Variants in VEZT observed in about 807,000 individuals in gnomAD.
VEZT encodes the protein vezatin.
A neutral mutation model predicts 79.9 loss-of-function variants in VEZT; 39 were observed. That is an observed-to-expected ratio of 0.49 (90% confidence interval 0.38 to 0.64). The LOEUF (loss-of-function observed/expected upper bound fraction) is 0.64, where lower values mean the gene tolerates loss of function less well. Among genes scored for constraint, VEZT ranks in the 30% least tolerant of loss-of-function variants. The pLI, the probability that VEZT is intolerant of heterozygous loss-of-function variation, is 0.00. For missense variants in VEZT, 837 were observed against 893.1 expected (o/e 0.94, Z 0.80); for synonymous variants, 325 against 327.6 (o/e 0.99, Z 0.09).
intron 6 of VEZT, 87 bp from the exon 7 acceptor site, chr12:95,274,655 G>C: frequency 7.2e-7 from 1 of 1,389,604 alleles, no homozygotes. Flanking sequence ...TCAGAATAAA[G>C]ATTAGGGAAT....
In VEZT at chr12:95,257,219, G is replaced by C. The variant is rs2063607207; in HGVS notation, c.238G>C (p.Asp80His). The C allele has an allele frequency of 6.2e-7, 1 of 1,609,670 alleles. No homozygotes were observed. The highest frequency in any genetic ancestry group is 8.5e-7 in the Non-Finnish European group (1 of 1,178,038). ...WIFFSQCNKK[D>H]DLLHKLDIGF... Reference sequence around the variant, plus strand: ...TTTTTTTTCTCAGTGCAATAAGAAAGATGACTTACTTCACAAGTTGGTAAG... The same window carrying C: ...TTTTTTTTCTCAGTGCAATAAGAAACATGACTTACTTCACAAGTTGGTAAG... The change falls in exon 3 of 12, where the codon GAT (aspartate) becomes CAT (histidine). Residue 80 changes from aspartate (D) to histidine (H), a missense_variant. By Grantham distance (81) the Asp-to-His change is moderately conservative (BLOSUM62 -1). Transcript: ENST00000436874.
At chr12:95,250,317 T>TG (rs1412216556) in intron 1 of VEZT, among the ~76,000 whole-genome samples, 129 of 149,158 alleles carry the variant, frequency 8.6e-4, no homozygotes, top group Non-Finnish European at 1.6e-3. Context: ...TTTTTTTTTT[T>TG]TGTGAGACAA....
chr12:95,274,685 C>T (rs2067278027), intron 6 of VEZT, 57 bp from the exon 7 acceptor site: 1 of 1,540,912 alleles, frequency 6.5e-7, no homozygotes, highest in African/African-American at 1.4e-5. Flanking sequence ...GACAATTTCA[C>T]TGTATCTTTT....
At chr12:95,269,708 T>G in intron 5 of VEZT, 1 of 182,826 alleles carries the variant, frequency 5.5e-6, no homozygotes, top group Non-Finnish European at 1.1e-5. Flanking sequence ...GCATAGTGTC[T>G]ATGTAAAAAA....
intron 2 of VEZT, among the ~76,000 whole-genome samples, chr12:95,252,830 T>TGGCG (rs2062831312): frequency 6.6e-6 from 1 of 152,128 alleles, no homozygotes; most frequent in South Asian, 2.1e-4. Flanking sequence ...CTGGGCGTGG[T>TGGCG]GGCGGGCGCC....
intron 11 of VEZT, chr12:95,299,586 A>AT (rs1360742427): frequency 6.6e-6 from 1 of 151,950 alleles, no homozygotes; most frequent in East Asian, 1.9e-4. Flanking sequence ...TGTATGTTGC[A>AT]TTTTTTTCCA....
intron 1 of VEZT, among the ~76,000 whole-genome samples, chr12:95,241,177 T>A (rs2060961844): frequency 6.6e-6 from 1 of 151,954 alleles, no homozygotes; most frequent in Admixed American, 6.6e-5. Flanking sequence ...GGACTACAGA[T>A]GTGCACCACC....
chr12:95,238,929 A>G (rs2060528355), intron 1 of VEZT, among the ~76,000 whole-genome samples: 1 of 152,226 alleles, frequency 6.6e-6, no homozygotes, highest in South Asian at 2.1e-4. Context: ...TAAGGACACT[A>G]AAAAGGAATA....
At chr12:95,247,015 C>A (rs2061816277) in intron 1 of VEZT, among the ~76,000 whole-genome samples, 1 of 152,130 alleles carries the variant, frequency 6.6e-6, no homozygotes, top group Non-Finnish European at 1.5e-5. Flanking sequence ...TATCCCAAAA[C>A]CTCTAAAATA....
chr12:95,272,215 A>G (rs1397821891), intron 6 of VEZT, among the ~76,000 whole-genome samples: 1 of 140,428 alleles, frequency 7.1e-6, no homozygotes, highest in South Asian at 2.3e-4. Flanking sequence ...GATTCTTCAG[A>G]TAAAATAGTT....
At chr12:95,234,948 A>G (rs987455830) in intron 1 of VEZT, among the ~76,000 whole-genome samples, 2 of 152,090 alleles carry the variant, frequency 1.3e-5, no homozygotes, top group Non-Finnish European at 2.9e-5. Context: ...GACACAGCAC[A>G]TGTTTCAGAG....
At chr12:95,282,834 G>A (rs1043411849) in intron 8 of VEZT, among the ~76,000 whole-genome samples, 190 bp downstream of exon 8, 1 of 151,894 alleles carries the variant, frequency 6.6e-6, no homozygotes, top group Non-Finnish European at 1.5e-5. Context: ...ACTTGAGGGA[G>A]TTATTATTTA....
intron 1 of VEZT, among the ~76,000 whole-genome samples, chr12:95,219,809 A>C (rs929526099): frequency 4.6e-5 from 7 of 152,226 alleles, no homozygotes; most frequent in African/African-American, 1.7e-4. Flanking sequence ...AGTTTCCTTT[A>C]ATCTTTGCTA....
At position 95,296,264 on chromosome 12, in the gene VEZT, CACTG is replaced by C. The variant is rs761395898; in HGVS notation, c.1831+10_1831+13del. 6.4e-6 allele frequency: 10 copies of C among 1,568,890 alleles called. No individual in the cohort carries two copies. In the South Asian group the frequency reaches 1.1e-4, roughly 17 times the overall value. On this transcript the variant is annotated splice_region_variant and intron_variant, in intron 11 of 11. Coordinates refer to ENST00000436874, the MANE Select transcript of VEZT (RefSeq NM_017599.4). ...ACTTCTATTTAGTGATCATGGTAAG[CACTG>C]ACTTTAAAGTAACAGGTTATTTCAA...
intron 1 of VEZT, among the ~76,000 whole-genome samples, chr12:95,233,736 C>A (rs1173645168): frequency 6.6e-6 from 1 of 152,012 alleles, no homozygotes; most frequent in African/African-American, 2.4e-5. Context: ...TTATTCTCAG[C>A]GCAATTACAT....
At chr12:95,247,167 G>A (rs1002457324) in intron 1 of VEZT, among the ~76,000 whole-genome samples, 1 of 152,182 alleles carries the variant, frequency 6.6e-6, no homozygotes, top group Non-Finnish European at 1.5e-5. Context: ...TGTATACAGA[G>A]TACAAAAAGC....
chr12:95,239,183 A>T (rs1258873430), intron 1 of VEZT, among the ~76,000 whole-genome samples: 1 of 152,134 alleles, frequency 6.6e-6, no homozygotes, highest in African/African-American at 2.4e-5. Flanking sequence ...ATCTTTTTGT[A>T]TTTTTTAAAT....
chr12:95,290,301 T>C (rs1301006295), intron 9 of VEZT, among the ~76,000 whole-genome samples: 1 of 152,218 alleles, frequency 6.6e-6, no homozygotes, highest in African/African-American at 2.4e-5. Flanking sequence ...CCCAGTAGTA[T>C]CATTCCTACG....
intron 1 of VEZT, among the ~76,000 whole-genome samples, chr12:95,222,858 T>C (rs1005029419): frequency 1.3e-5 from 2 of 152,182 alleles, no homozygotes; most frequent in Non-Finnish European, 2.9e-5. Context: ...CGTTCTGTGC[T>C]CTAGGACTGA....
Sources: gnomAD v4.1 joint callset for allele counts (sites outside exome capture counted in the v4.1 genomes callset) on GRCh38, gnomAD v4.1.1 for gene constraint, MANE v1.5 for transcripts, NCBI Gene and HGNC (gene_info 2026-07-23, HGNC 2026-07-21) for gene names.